Variants in RAD54L observed in about 807,000 individuals in gnomAD.
RAD54L encodes the protein RAD54 like, also known as DNA repair and recombination protein RAD54-like.
In RAD54L, 74 loss-of-function variants were observed where a neutral mutation model predicts 91.6. That is an observed-to-expected ratio of 0.81 (90% CI 0.67 to 0.98). RAD54L has a LOEUF of 0.98. Among genes scored for constraint, RAD54L ranks in the 50% least tolerant of loss-of-function variants. The pLI is 0.00. For missense variants in RAD54L, 887 were observed against 945.7 expected (o/e 0.94, Z 0.81); for synonymous variants, 304 against 349.7 (o/e 0.87, Z 1.46).
In RAD54L at chr1:46,278,473, T is replaced by C. The variant is rs1306464926; in HGVS notation, c.*191T>C. 2 of 729,884 alleles carry C rather than the reference T, an allele frequency of 2.7e-6. No individual in the cohort carries two copies. Among genetic ancestry groups the C allele is most frequent in the African/African-American group, 3.5e-5 (2 of 56,526 alleles). 45.2% of individuals were successfully genotyped at this position (729,884 alleles called of 1,614,324 possible). On this transcript the variant is annotated 3_prime_UTR_variant, in exon 18 of 18. Transcript: ENST00000371975. ...AAAAAGAATAAAGGTATGAAAGGGT[T>C]TGAGGCCTGAGAGCAGTGTGGTAAG... is the stretch of plus-strand genomic sequence containing the variant.
chr1:46,260,650 C>T (rs1660085600), intron 6 of RAD54L, 39 bp downstream of exon 6: 4 of 1,613,524 alleles, frequency 2.5e-6, no homozygotes, highest in Non-Finnish European at 3.4e-6. Flanking sequence ...GGGCTATGGG[C>T]TGAGCCTGGG....
At chr1:46,268,793 A>G (rs1413232894) in intron 9 of RAD54L, among the ~76,000 whole-genome samples, 1 of 152,346 alleles carries the variant, frequency 6.6e-6, no homozygotes, top group East Asian at 1.9e-4. Flanking sequence ...TTGTTGAGAC[A>G]GAGTCTCTGT....
intron 3 of RAD54L, among the ~76,000 whole-genome samples, chr1:46,255,080 C>A (rs1044212542): frequency 6.6e-6 from 1 of 152,072 alleles, no homozygotes; most frequent in African/African-American, 2.4e-5. Context: ...GTAGGCCATT[C>A]GTGATCTTGG....
In RAD54L at chr1:46,253,600, C is replaced by T. The variant is rs533371996; in HGVS notation, c.210+3481C>T. Among the ~76,000 whole-genome samples the T allele has an allele frequency of 6.7e-5, 10 of 149,386 alleles. No individual in the cohort carries two copies. In the East Asian group the frequency reaches 1.4e-3, roughly 21 times the overall value. On this transcript the variant is annotated intron_variant, in intron 3 of 17. Coordinates refer to ENST00000371975, the MANE Select transcript of RAD54L (RefSeq NM_003579.4). ...ACTGCGCTCCAGCCTGGTGACAGAG[C>T]GAGACTCTGTCTAAAAAAAAAAAAG...
In RAD54L at chr1:46,273,626, A is replaced by G; in HGVS notation, c.1489A>G (p.Lys497Glu). ...CTGCTGGTTGCTGCTCTTCCCAGGT[A>G]AGATGCTGGTCCTGGATTATATTCT... is the stretch of plus-strand genomic sequence containing the variant. ...SKALEPQLSG[K>E]MLVLDYILAV... Residue 497 changes from lysine to glutamate, a missense_variant and splice_region_variant, in exon 14 of 18, where the codon AAG becomes GAG. Lys to Glu is a moderately conservative substitution (Grantham distance 56). Coordinates refer to ENST00000371975, the MANE Select transcript of RAD54L (RefSeq NM_003579.4). 1 of 1,613,520 alleles carries G rather than the reference A, an allele frequency of 6.2e-7. No individual in the cohort carries two copies.
intron 8 of RAD54L, among the ~76,000 whole-genome samples, chr1:46,262,681 A>T (rs1227108162): frequency 2.0e-5 from 3 of 151,930 alleles, no homozygotes; most frequent in Non-Finnish European, 4.4e-5. Context: ...GTTTTTTTAC[A>T]TTGTCAGGGT....
At chr1:46,269,401 G>A (rs917664460) in intron 9 of RAD54L, among the ~76,000 whole-genome samples, 12 of 150,334 alleles carry the variant, frequency 8.0e-5, no homozygotes, top group Admixed American at 2.7e-4. Flanking sequence ...CTTAACTTCC[G>A]GGCTCTAGTG....
rs372813999 is a variant in RAD54L at position 46,248,594 on chromosome 1, T to C, written c.86T>C (p.Leu29Pro). ...GATGATGAAGACTGGCAACCTGGCCTAGTGGTGAGCACTCAAGGGGACAGG... is the reference window on the plus strand; with the variant it reads ...GATGATGAAGACTGGCAACCTGGCCCAGTGGTGAGCACTCAAGGGGACAGG... ...SCDDEDWQPG[L>P]VTPRKRKSSS... Residue 29 changes from leucine to proline, a missense_variant, in exon 2 of 18, where the codon CTA becomes CCA. Transcript: ENST00000371975. 3 of 1,613,888 alleles carry C rather than the reference T, an allele frequency of 1.9e-6. No individual in the cohort carries two copies. The highest frequency in any genetic ancestry group is 2.7e-5 in the African/African-American group (2 of 74,942).
intron 16 of RAD54L, 141 bp downstream of exon 16, chr1:46,274,858 C>T (rs973044996): frequency 4.1e-6 from 4 of 978,940 alleles, no homozygotes; most frequent in African/African-American, 3.2e-5. Context: ...GTCTTTTATT[C>T]TTCTGTTCTC....
At chr1:46,264,697 G>A (rs1660219963) in intron 8 of RAD54L, among the ~76,000 whole-genome samples, 1 of 152,254 alleles carries the variant, frequency 6.6e-6, no homozygotes, top group Non-Finnish European at 1.5e-5. Flanking sequence ...TCAGGGAAGT[G>A]CGTAGTGACT....
chr1:46,248,716 A>T, intron 2 of RAD54L, 118 bp downstream of exon 2: 2 of 858,090 alleles, frequency 2.3e-6, no homozygotes, highest in Non-Finnish European at 3.9e-6. Context: ...TGTTCAATAA[A>T]CTTTTAGTGA....
chr1:46,278,079 T>G lies in RAD54L; in HGVS notation c.2041T>G (p.Cys681Gly). 2 of 1,614,172 alleles carry G rather than the reference T, an allele frequency of 1.2e-6. No homozygotes were observed. The highest frequency in any genetic ancestry group is 2.2e-5 in the South Asian group (2 of 91,062). ...SLSDTHDRLH[C>G]RRCVNSRQIR... The stretch of plus-strand genomic sequence containing the variant: ...TGTGCCTTCTGTCCCTAGGTTGCAC[T>G]GCCGACGTTGTGTCAACAGCCGTCA... Residue 681 changes from cysteine (C) to glycine (G), a missense_variant, in exon 18 of 18, where the codon TGC becomes GGC. Cys to Gly is a radical substitution (Grantham distance 159). Coordinates refer to ENST00000371975, the MANE Select transcript of RAD54L (RefSeq NM_003579.4).
intron 2 of RAD54L, 88 bp from the exon 3 acceptor site, chr1:46,249,912 G>T: frequency 2.8e-6 from 4 of 1,438,664 alleles, no homozygotes; most frequent in Non-Finnish European, 2.9e-6. Context: ...ACAGTGCCTG[G>T]CACTTAATAA....
chr1:46,248,294 A>G lies in RAD54L; in HGVS notation c.-112A>G, dbSNP rs17102080. 0.027 allele frequency: 36,458 copies of G among 1,367,562 alleles called. 682 individuals are homozygous for G. Among genetic ancestry groups the G allele is most frequent in the African/African-American group, 0.076 (5,349 of 70,382 alleles). The allele number at this position is 1,367,562 out of a possible 1,614,324, so 84.7% of individuals were successfully genotyped here. A position where few individuals can be genotyped will look rare whatever the true frequency, so the allele number is the denominator to read the frequency against. ...CCTCTTTAATTAGCCGGTCCTCTCA[A>G]TAATGTAGCAGCCCCCTCTACAGAT... On this transcript the variant is annotated 5_prime_UTR_variant, in exon 1 of 18. Coordinates refer to ENST00000371975, the MANE Select transcript of RAD54L (RefSeq NM_003579.4).
At chr1:46,259,497 G>C (rs1275214420) in intron 4 of RAD54L, among the ~76,000 whole-genome samples, 1 of 152,172 alleles carries the variant, frequency 6.6e-6, no homozygotes, top group Non-Finnish European at 1.5e-5. Context: ...TGGGGGCTGG[G>C]CATCGTGGCT....
intron 16 of RAD54L, among the ~76,000 whole-genome samples, chr1:46,275,579 C>T (rs1385040452): frequency 6.6e-6 from 1 of 152,296 alleles, no homozygotes; most frequent in East Asian, 1.9e-4. Context: ...ACACCAGCTA[C>T]ATTGCATTTA....
chr1:46,250,039 C>T lies in RAD54L; in HGVS notation c.130C>T (p.Gln44Ter), dbSNP rs751720515. 2 of 1,613,916 alleles carry T rather than the reference C, an allele frequency of 1.2e-6. No individual in the cohort carries two copies. The highest frequency in any genetic ancestry group is 1.3e-5 in the African/African-American group (1 of 74,902). Residue 44 changes from glutamine (Q) to a stop codon, truncating the protein, a stop_gained, in exon 3 of 18, where the codon CAG becomes TAG. Transcript: ENST00000371975. LOFTEE classifies it high-confidence loss of function. ...KRKSSSETQI[Q>*]ECFLSPFRKP... is the part of the protein sequence containing the mutation. ...GAAATCCAGCAGTGAGACCCAGATCCAGGAGTGTTTCCTGTCTCCTTTTCG... is the reference window on the plus strand; with the variant it reads ...GAAATCCAGCAGTGAGACCCAGATCTAGGAGTGTTTCCTGTCTCCTTTTCG...
chr1:46,257,222 T>A, intron 3 of RAD54L, among the ~76,000 whole-genome samples: 1 of 149,822 alleles, frequency 6.7e-6, no homozygotes, highest in Admixed American at 6.7e-5. Flanking sequence ...TGTGAAGAAA[T>A]GAGTCAGAAA....
intron 16 of RAD54L, 169 bp from the exon 17 acceptor site, chr1:46,277,648 T>C: frequency 1.3e-6 from 1 of 755,072 alleles, no homozygotes; most frequent in Non-Finnish European, 2.2e-6. Context: ...GGAGACAGAC[T>C]GGGAAAATGG....
Sources: gnomAD v4.1 joint callset for allele counts (sites outside exome capture counted in the v4.1 genomes callset) on GRCh38, gnomAD v4.1.1 for gene constraint, MANE v1.5 for transcripts, NCBI Gene and HGNC (gene_info 2026-07-23, HGNC 2026-07-21) for gene names.